Variants in PAAF1 observed in about 807,000 individuals in gnomAD.
The protein encoded by PAAF1 is proteasomal ATPase-associated factor 1.
Under a neutral mutation model 52.8 loss-of-function variants are expected in PAAF1, and 46 were observed. The ratio of observed to expected loss-of-function variants is 0.87; its 90% CI spans 0.69 to 1.11. The LOEUF (loss-of-function observed/expected upper bound fraction) is 1.11. PAAF1 is among the 50% of genes most tolerant of loss of function. The probability of loss-of-function intolerance (pLI) is 0.00; values close to 1 mark genes in which losing one functional copy is unlikely to be tolerated. For missense variants in PAAF1, 424 were observed against 477.4 expected (o/e 0.89, Z 1.04); for synonymous variants, 178 against 172.8 (o/e 1.03, Z -0.24).
At chr11:73,885,476 C>G (rs1949036338) in intron 2 of PAAF1, among the ~76,000 whole-genome samples, 1 of 151,856 alleles carries the variant, frequency 6.6e-6, no homozygotes, top group Non-Finnish European at 1.5e-5. Flanking sequence ...TCCTCCTTGA[C>G]TTGGAGTTTT....
At chr11:73,896,309 T>A (rs996456232) in intron 4 of PAAF1, among the ~76,000 whole-genome samples, 2 of 146,050 alleles carry the variant, frequency 1.4e-5, no homozygotes, top group African/African-American at 5.5e-5. Flanking sequence ...TTTATTTATT[T>A]TTTTTTTTAT....
chr11:73,927,565 A>T lies in PAAF1; in HGVS notation c.*203A>T. ...ACTGAGTAAGAAGGTCATTGTGCCC[A>T]CTGCATTTGTTCCAACTTCTCCTTG... On this transcript the variant is annotated 3_prime_UTR_variant, in exon 12 of 12. Transcript: ENST00000310571. 3.4e-6 allele frequency: 2 copies of T among 594,032 alleles called. No individual in the cohort carries two copies. Among genetic ancestry groups the T allele is most frequent in the South Asian group, 4.1e-5 (2 of 48,792 alleles). The allele number at this position is 594,032 out of a possible 1,614,324, so 36.8% of individuals were successfully genotyped here.
intron 10 of PAAF1, among the ~76,000 whole-genome samples, chr11:73,923,417 G>A (rs71464096): frequency 0.057 from 8,599 of 152,184 alleles, 273 homozygotes; most frequent in Middle Eastern, 0.099. Context: ...CAAAAAAATA[G>A]ATCAAAATGT....
At chr11:73,888,027 C>T (rs1477943324) in intron 3 of PAAF1, among the ~76,000 whole-genome samples, 4 of 152,132 alleles carry the variant, frequency 2.6e-5, no homozygotes, top group African/African-American at 4.8e-5. Context: ...AGATTACAGG[C>T]GTGAGCTACC....
At chr11:73,897,629 C>T (rs1406496995) in intron 4 of PAAF1, among the ~76,000 whole-genome samples, 4 of 148,006 alleles carry the variant, frequency 2.7e-5, no homozygotes, top group Non-Finnish European at 4.5e-5. Flanking sequence ...GATGGGATGG[C>T]GGCCGGGCAG....
chr11:73,887,081 T>C, intron 2 of PAAF1: 1 of 455,422 alleles, frequency 2.2e-6, no homozygotes, highest in South Asian at 1.7e-5. Flanking sequence ...GCCATGCTTC[T>C]TGTACAGTCT....
intron 11 of PAAF1, among the ~76,000 whole-genome samples, chr11:73,926,110 TC>T (rs1591143926): frequency 6.6e-6 from 1 of 150,396 alleles, no homozygotes; most frequent in Non-Finnish European, 1.5e-5. Context: ...TTTCTTTCTT[TC>T]TTTCTTTTTT....
At chr11:73,913,428 C>G (rs928396002) in intron 7 of PAAF1, among the ~76,000 whole-genome samples, 7 of 152,064 alleles carry the variant, frequency 4.6e-5, no homozygotes, top group African/African-American at 1.7e-4. Flanking sequence ...GATCCCATCT[C>G]TATAAAAAAT....
intron 8 of PAAF1, among the ~76,000 whole-genome samples, chr11:73,915,662 A>C (rs1431754352): frequency 6.6e-6 from 1 of 152,242 alleles, no homozygotes; most frequent in Non-Finnish European, 1.5e-5. Context: ...ACAGACCATT[A>C]GTTGAAGTTT....
At chr11:73,892,401 A>C (rs550140843) in intron 4 of PAAF1, among the ~76,000 whole-genome samples, 1 of 151,792 alleles carries the variant, frequency 6.6e-6, no homozygotes, top group East Asian at 1.9e-4. Flanking sequence ...ATACTTAGTG[A>C]TGAAAATTTA....
At chr11:73,903,482 C>T (rs530726165) in intron 6 of PAAF1, among the ~76,000 whole-genome samples, 28 of 152,110 alleles carry the variant, frequency 1.8e-4, no homozygotes, top group African/African-American at 3.4e-4. Flanking sequence ...TTTGGGAGGC[C>T]GAGGCGGGTG....
Position 73,891,200 on chromosome 11 carries a change from G to A in PAAF1, c.281G>A (p.Ser94Asn). 1 of 1,520,298 alleles carries A rather than the reference G, an allele frequency of 6.6e-7. No individual in the cohort carries two copies. Among genetic ancestry groups the A allele is most frequent in the Non-Finnish European group, 9.1e-7 (1 of 1,102,984 alleles). 94.2% of individuals were successfully genotyped at this position (1,520,298 alleles called of 1,614,324 possible). The change falls in exon 4 of 12, where the codon AGT (serine) becomes AAT (asparagine). Residue 94 changes from serine to asparagine, a missense_variant and splice_region_variant. Transcript: ENST00000310571. ...YTTFSRIHTKSITCLDISSRG... is the reference protein window; with the variant it reads ...YTTFSRIHTKNITCLDISSRG... ...ACTTTTTCCAGAATTCATACAAAGA[G>A]TGTAAGTATTTTGATAAAATGAAGA...
At position 73,887,376 on chromosome 11, in the gene PAAF1, C is replaced by A; in HGVS notation, c.111C>A (p.Ser37Arg). ...HPPGKPSLYG[S>R]LTCQGIGLDG... ...TAGGGAAACCATCTTTGTATGGCAG[C>A]CTGACTTGTCAAGGAATTGGCCTAG... Residue 37 changes from serine (S) to arginine (R), a missense_variant, in exon 3 of 12, where the codon AGC (serine) becomes AGA (arginine). Physicochemically the swap from Ser to Arg is moderately radical, Grantham distance 110. Transcript: ENST00000310571. 6.2e-7 allele frequency: 1 copy of A among 1,612,196 alleles called. No homozygotes were observed. The highest frequency in any genetic ancestry group is 8.5e-7 in the Non-Finnish European group (1 of 1,179,236).
intron 9 of PAAF1, among the ~76,000 whole-genome samples, chr11:73,918,365 T>C (rs1013808949): frequency 2.0e-4 from 28 of 142,034 alleles, no homozygotes; most frequent in African/African-American, 3.0e-4. Context: ...TTTTTTTTTT[T>C]TTTTTTTTTT....
rs1301429079 is a variant in PAAF1 at position 73,930,795 on chromosome 11, A to G, written c.*3433A>G. On this transcript the variant is annotated 3_prime_UTR_variant, in exon 12 of 12. Transcript: ENST00000310571. The stretch of plus-strand genomic sequence containing the variant: ...TATATATATGTATATATATATATTT[A>G]TATATGTAGAAGCAGTGAGTAGAAT... 2 of 150,198 alleles carry G rather than the reference A, an allele frequency of 1.3e-5. No homozygotes were observed. Among genetic ancestry groups the G allele is most frequent in the Non-Finnish European group, 3.0e-5 (2 of 67,676 alleles). The allele number at this position is 150,198 out of a possible 1,614,324, so 9.3% of individuals were successfully genotyped here.
In PAAF1 at chr11:73,914,508, A is replaced by G. The variant is rs1467932855; in HGVS notation, c.819+4A>G. 1 of 1,613,734 alleles carries G rather than the reference A, an allele frequency of 6.2e-7. No individual in the cohort carries two copies. Among genetic ancestry groups the G allele is most frequent in the Non-Finnish European group, 8.5e-7 (1 of 1,179,740 alleles). ...GGGACTACAGAGCAGGCAGCTGGCA[A>G]GTGGTTCCTATATGACCTTTGAACT... On this transcript the variant is annotated splice_donor_region_variant and intron_variant, in intron 8 of 11. Transcript: ENST00000310571.
intron 9 of PAAF1, among the ~76,000 whole-genome samples, chr11:73,918,352 A>ATTTTTTTTTTTTTTTT (rs1157984685): frequency 2.8e-5 from 2 of 71,730 alleles, no homozygotes; most frequent in Non-Finnish European, 2.6e-5. Context: ...CAGTTACTTA[A>ATTTTTTTTTTTTTTTT]TTTTTTTTTT....
chr11:73,893,880 A>G (rs1949273155), intron 4 of PAAF1, among the ~76,000 whole-genome samples: 1 of 151,678 alleles, frequency 6.6e-6, no homozygotes, highest in East Asian at 1.9e-4. Context: ...ACAACATAGT[A>G]AGACCTCGTC....
Position 73,900,801 on chromosome 11 carries a change from T to C in PAAF1, c.532+381T>C, listed in dbSNP as rs945195270. 8.6e-5 allele frequency among the ~76,000 whole-genome samples: 13 copies of C among 151,472 alleles called. No homozygotes were observed. The East Asian group carries it at 2.5e-3, about 29-fold the overall frequency. ...ATGGAGACCATCCCGGCTAAAACGG[T>C]GAAACCCCGTCTCTACTAAAAATAC... On this transcript the variant is annotated intron_variant, in intron 6 of 11. Coordinates refer to ENST00000310571, the MANE Select transcript of PAAF1 (RefSeq NM_025155.3).
Sources: allele counts gnomAD v4.1 joint callset (sites outside exome capture counted in the v4.1 genomes callset), GRCh38; gene constraint gnomAD v4.1.1; transcripts MANE v1.5; gene names NCBI Gene and HGNC (gene_info 2026-07-23, HGNC 2026-07-21).